GHR: variants seen among roughly 807,000 people sequenced by gnomAD.
GHR encodes GH receptor.
Under a neutral mutation model 67.1 loss-of-function variants are expected in GHR, and 35 were observed. The ratio of observed to expected loss-of-function variants is 0.52; its 90% CI spans 0.40 to 0.69. The LOEUF (loss-of-function observed/expected upper bound fraction) is 0.69. Ranked by LOEUF, GHR falls within the 30% of genes least tolerant of loss-of-function variation. The pLI, the probability that GHR is intolerant of heterozygous loss-of-function variation, is 0.00. For missense variants in GHR, 792 were observed against 764.6 expected, an observed-to-expected ratio of 1.04 and a Z score of -0.42; for synonymous variants, 272 against 269.1, an observed-to-expected ratio of 1.01 and a Z score of -0.10.
At chr5:42,645,286 T>G (rs1163051243) in intron 3 of GHR, among the ~76,000 whole-genome samples, 1 of 152,242 alleles carries the variant, frequency 6.6e-6, no homozygotes, top group Non-Finnish European at 1.5e-5. Flanking sequence ...CGATGGTATT[T>G]GTTTGTGCAC....
At chr5:42,666,817 G>T (rs752824915) in intron 3 of GHR, among the ~76,000 whole-genome samples, 1 of 152,130 alleles carries the variant, frequency 6.6e-6, no homozygotes, top group Non-Finnish European at 1.5e-5. Context: ...TGAAAGTTGT[G>T]TCTCTCTAAA....
chr5:42,536,376 G>T (rs1748256999), intron 1 of GHR, among the ~76,000 whole-genome samples: 1 of 152,116 alleles, frequency 6.6e-6, no homozygotes, highest in African/African-American at 2.4e-5. Flanking sequence ...ATCTGAAAGG[G>T]ATGCTGGATT....
intron 1 of GHR, among the ~76,000 whole-genome samples, chr5:42,480,908 G>A (rs1428622535): frequency 1.3e-5 from 2 of 152,256 alleles, no homozygotes; most frequent in Non-Finnish European, 2.9e-5. Context: ...ATATCATTAT[G>A]TGTGAATTTG....
intron 1 of GHR, among the ~76,000 whole-genome samples, chr5:42,534,130 A>G (rs890201016): frequency 6.8e-6 from 1 of 147,096 alleles, no homozygotes; most frequent in Non-Finnish European, 1.5e-5. Context: ...ATGTATATAT[A>G]TGTACATATG....
chr5:42,664,621 G>A (rs911735095), intron 3 of GHR, among the ~76,000 whole-genome samples: 1 of 152,130 alleles, frequency 6.6e-6, no homozygotes, highest in Non-Finnish European at 1.5e-5. Context: ...TTAAATGTTA[G>A]ACCTAAAACC....
At chr5:42,634,164 G>A (rs532972051) in intron 3 of GHR, among the ~76,000 whole-genome samples, 10 of 151,538 alleles carry the variant, frequency 6.6e-5, no homozygotes, top group Admixed American at 2.0e-4. Flanking sequence ...GATGCTAATA[G>A]TACCTACCTC....
intron 1 of GHR, among the ~76,000 whole-genome samples, chr5:42,552,102 A>G (rs1430285946): frequency 3.9e-5 from 6 of 152,184 alleles, no homozygotes; most frequent in Admixed American, 1.3e-4. Context: ...TGGCCAGCCA[A>G]CTGGTTTAGG....
At chr5:42,521,470 C>T (rs1747471273) in intron 1 of GHR, among the ~76,000 whole-genome samples, 1 of 152,214 alleles carries the variant, frequency 6.6e-6, no homozygotes, top group Admixed American at 6.5e-5. Flanking sequence ...TTTCAGGTGG[C>T]AGCTGCACTG....
chr5:42,523,559 G>A (rs1747568036), intron 1 of GHR, among the ~76,000 whole-genome samples: 4 of 152,080 alleles, frequency 2.6e-5, no homozygotes, highest in Admixed American at 6.6e-5. Context: ...CATATAAGGT[G>A]GGGAACTTAA....
At chr5:42,617,595 C>A (rs1343644556) in intron 2 of GHR, among the ~76,000 whole-genome samples, 1 of 152,100 alleles carries the variant, frequency 6.6e-6, no homozygotes, top group Non-Finnish European at 1.5e-5. Context: ...CTGGCGTCAG[C>A]ACAATAAATA....
intron 6 of GHR, among the ~76,000 whole-genome samples, chr5:42,701,453 G>A (rs1045644266): frequency 6.6e-6 from 1 of 152,202 alleles, no homozygotes; most frequent in African/African-American, 2.4e-5. Context: ...TTGTCTTGAA[G>A]AAAAGCGCTT....
chr5:42,588,036 A>T (rs1032466202), intron 2 of GHR, among the ~76,000 whole-genome samples: 6 of 152,216 alleles, frequency 3.9e-5, no homozygotes, highest in Admixed American at 3.3e-4. Flanking sequence ...AGGGAGACTA[A>T]GATTTTCAAG....
In GHR at chr5:42,424,377, A is replaced by T; in HGVS notation, c.-12+422A>T. ...TTTTGCTAGTGTGTTTCTGTTTGCC[A>T]TCATCTGCCTGGCTGCGGCAGGAAC... On this transcript the variant is annotated intron_variant, in intron 1 of 9. Coordinates refer to ENST00000230882, the MANE Select transcript of GHR (RefSeq NM_000163.5). The surrounding 1 kb of genome is among the most constrained non-coding windows in gnomAD (Gnocchi z 4.1). 1.7e-6 allele frequency: 1 copy of T among 596,430 alleles called. No homozygotes were observed. The highest frequency in any genetic ancestry group is 3.0e-6 in the Non-Finnish European group (1 of 334,244). The allele number at this position is 596,430 out of a possible 1,614,324, so 36.9% of individuals were successfully genotyped here.
At position 42,581,086 on chromosome 5, in the gene GHR, T is replaced by A. The variant is rs186910650; in HGVS notation, c.70+15142T>A. Among the ~76,000 whole-genome samples the A allele has an allele frequency of 2.9e-3, 437 of 152,350 alleles. 13 individuals carry two copies. The highest frequency in any genetic ancestry group is 0.027 in the Admixed American group (416 of 15,310). On this transcript the variant is annotated intron_variant, in intron 2 of 9. Transcript: ENST00000230882. ...TCTTTCTTATGCTTGTTTCCATTCT[T>A]ATTCTGCACATAACTTGGACTTGGC...
intron 1 of GHR, chr5:42,565,443 A>G: frequency 2.0e-6 from 2 of 984,212 alleles, no homozygotes; most frequent in Non-Finnish European, 2.4e-6. Flanking sequence ...CATGATTGTT[A>G]TGTTTTTCCT....
chr5:42,617,435 T>C (rs187133247), intron 2 of GHR, among the ~76,000 whole-genome samples: 1 of 151,450 alleles, frequency 6.6e-6, no homozygotes, highest in African/African-American at 2.4e-5. Flanking sequence ...CAGCATTTGC[T>C]GCAGATCCTA....
At chr5:42,643,617 G>A (rs1021427471) in intron 3 of GHR, among the ~76,000 whole-genome samples, 1 of 152,118 alleles carries the variant, frequency 6.6e-6, no homozygotes, top group African/African-American at 2.4e-5. Context: ...TGGATTTTTA[G>A]ATGTCTAGTC....
At position 42,497,805 on chromosome 5, in the gene GHR, A is replaced by G. The variant is rs556470923; in HGVS notation, c.-11-68059A>G. 4.9e-4 allele frequency among the ~76,000 whole-genome samples: 74 copies of G among 152,328 alleles called. 1 individual carries two copies. The South Asian group carries it at 0.015, about 31-fold the overall frequency. On this transcript the variant is annotated intron_variant, in intron 1 of 9. Coordinates refer to ENST00000230882, the MANE Select transcript of GHR (RefSeq NM_000163.5). ...TAGAATTCTGCAATTTTCTTAAAGA[A>G]TGGAAAACATTGGAAAAGAGTCACC...
chr5:42,451,556 A>C (rs1182834324), intron 1 of GHR, among the ~76,000 whole-genome samples: 2 of 152,090 alleles, frequency 1.3e-5, no homozygotes, highest in African/African-American at 4.8e-5. Flanking sequence ...ATACAAAGAA[A>C]TTAGCCAGGT....
Sources: allele counts gnomAD v4.1 joint callset (sites outside exome capture counted in the v4.1 genomes callset), GRCh38; gene constraint gnomAD v4.1.1; non-coding constraint Gnocchi (gnomAD v3.1); transcripts MANE v1.5; gene names NCBI Gene and HGNC (gene_info 2026-07-23, HGNC 2026-07-21).